Variants in NAALADL2 observed in about 807,000 individuals in gnomAD.
NAALADL2 encodes the protein inactive N-acetylated-alpha-linked acidic dipeptidase-like protein 2.
In NAALADL2, 76 loss-of-function variants were observed where a neutral mutation model predicts 87.2. The ratio of observed to expected loss-of-function variants is 0.87; its 90% CI spans 0.72 to 1.05. The LOEUF (loss-of-function observed/expected upper bound fraction) is 1.05, where lower values mean the gene tolerates loss of function less well. Among genes scored for constraint, NAALADL2 ranks in the 50% least tolerant of loss-of-function variants. The pLI is 0.00. For synonymous variants in NAALADL2, 354 were observed against 331.0 expected, an observed-to-expected ratio of 1.07 and a Z score of -0.75; for missense variants, 1,089 against 945.8, an observed-to-expected ratio of 1.15 and a Z score of -1.99.
chr3:175,641,690 A>G (rs775939972), intron 11 of NAALADL2, among the ~76,000 whole-genome samples: 30 of 152,206 alleles, frequency 2.0e-4, no homozygotes, highest in Non-Finnish European at 4.1e-4. Context: ...TTCTCAGAGT[A>G]TATGCACGTA....
At position 174,455,649 on chromosome 3, in the gene NAALADL2, A is replaced by T. The variant is rs540955237; in HGVS notation, c.-184+14617A>T. Among the ~76,000 whole-genome samples the T allele has an allele frequency of 5.3e-5, 8 of 152,344 alleles. No homozygotes were observed. In the South Asian group the frequency reaches 1.7e-3, roughly 32 times the overall value. On this transcript the variant is annotated intron_variant, in intron 1 of 3. Transcript: ENST00000434257. ...ATGATCATCTCAATAGATTCAGAAA[A>T]GGCTTTTGATAAAATTCAACACCCC...
chr3:175,117,570 C>T (rs549773905), intron 2 of NAALADL2, among the ~76,000 whole-genome samples: 24 of 150,532 alleles, frequency 1.6e-4, no homozygotes, highest in South Asian at 1.0e-3. Context: ...AATGAGGTAC[C>T]ATCTCACACC....
At chr3:175,442,264 G>C (rs1413550825) in intron 5 of NAALADL2, among the ~76,000 whole-genome samples, 1 of 150,352 alleles carries the variant, frequency 6.7e-6, no homozygotes, top group African/African-American at 2.4e-5. Flanking sequence ...TTTTCAATTA[G>C]GTTTAAAAGT....
intron 2 of NAALADL2, among the ~76,000 whole-genome samples, chr3:175,220,407 A>G (rs1743182899): frequency 6.6e-6 from 1 of 151,886 alleles, no homozygotes; most frequent in African/African-American, 2.4e-5. Flanking sequence ...TTGAATATTT[A>G]GATTTTCTTT....
chr3:175,468,150 AAAG>A (rs143098806), intron 8 of NAALADL2, among the ~76,000 whole-genome samples: 8,061 of 152,188 alleles, frequency 0.053, 665 homozygotes, highest in African/African-American at 0.18. Flanking sequence ...AAGGTATAGA[AAAG>A]AAGATAGCAA....
intron 5 of NAALADL2, among the ~76,000 whole-genome samples, chr3:175,439,830 G>T (rs1463616428): frequency 2.6e-5 from 4 of 151,448 alleles, no homozygotes; most frequent in African/African-American, 9.7e-5. Flanking sequence ...CTCCCACTTG[G>T]TGGGTTGTCT....
chr3:175,047,204 AT>A (rs1290952012), intron 1 of NAALADL2, among the ~76,000 whole-genome samples: 1 of 152,176 alleles, frequency 6.6e-6, no homozygotes. Context: ...GGACACAAAC[AT>A]TCTGTCCTTG....
At chr3:174,501,011 C>G (rs1442060620) in intron 1 of NAALADL2, among the ~76,000 whole-genome samples, 1 of 140,430 alleles carries the variant, frequency 7.1e-6, no homozygotes. Flanking sequence ...CGCCCGCCAC[C>G]ATGCCCGGCC....
intron 9 of NAALADL2, among the ~76,000 whole-genome samples, chr3:175,479,477 A>C (rs1726156901): frequency 6.6e-6 from 1 of 151,812 alleles, no homozygotes; most frequent in African/African-American, 2.4e-5. Context: ...TCATCTTGTG[A>C]AAAATGGCCA....
At chr3:175,193,197 C>G (rs909764589) in intron 2 of NAALADL2, among the ~76,000 whole-genome samples, 1 of 151,702 alleles carries the variant, frequency 6.6e-6, no homozygotes, top group East Asian at 1.9e-4. Context: ...GATTCCAGAT[C>G]TACCACTTAC....
At position 175,238,728 on chromosome 3, in the gene NAALADL2, G is replaced by A. The variant is rs151248680; in HGVS notation, c.819+4524G>A. Among the ~76,000 whole-genome samples, 364 of 152,144 alleles carry A rather than the reference G, an allele frequency of 2.4e-3. 1 individual carries two copies. Among genetic ancestry groups the A allele is most frequent in the African/African-American group, 8.3e-3 (344 of 41,542 alleles). Reference sequence around the variant, plus strand: ...AAACTCACATGTTCTAATAGATAAGGCGCTGGTGATTTTTCTGTATCACTT... The same window carrying A: ...AAACTCACATGTTCTAATAGATAAGACGCTGGTGATTTTTCTGTATCACTT... On this transcript the variant is annotated intron_variant, in intron 3 of 13. Coordinates refer to ENST00000454872, the MANE Select transcript of NAALADL2 (RefSeq NM_207015.3).
At chr3:175,287,959 A>G (rs900268076) in intron 4 of NAALADL2, among the ~76,000 whole-genome samples, 1 of 152,162 alleles carries the variant, frequency 6.6e-6, no homozygotes, top group Admixed American at 6.5e-5. Context: ...TTAACTCTCT[A>G]ATTATTTGTT....
At chr3:175,375,090 T>C (rs1242261827) in intron 5 of NAALADL2, among the ~76,000 whole-genome samples, 1 of 152,176 alleles carries the variant, frequency 6.6e-6, no homozygotes, top group East Asian at 1.9e-4. Flanking sequence ...CAATTGCTCA[T>C]ATAAGGTTCA....
intron 2 of NAALADL2, among the ~76,000 whole-genome samples, chr3:175,213,753 A>G (rs1283568910): frequency 6.6e-6 from 1 of 152,154 alleles, no homozygotes; most frequent in African/African-American, 2.4e-5. Context: ...TTTCCAGTGA[A>G]GCAACTGAGT....
chr3:175,636,983 A>G (rs2149745701), intron 11 of NAALADL2, among the ~76,000 whole-genome samples: 1 of 152,358 alleles, frequency 6.6e-6, no homozygotes, highest in South Asian at 2.1e-4. Context: ...GATTTAATTC[A>G]TCACCCAAGA....
chr3:175,505,868 G>C (rs1054933231), intron 9 of NAALADL2, among the ~76,000 whole-genome samples: 1 of 151,650 alleles, frequency 6.6e-6, no homozygotes, highest in Non-Finnish European at 1.5e-5. Context: ...AGCTACCAAA[G>C]ACTTACATCA....
chr3:175,594,820 C>T (rs544893654), intron 10 of NAALADL2, among the ~76,000 whole-genome samples: 131 of 152,114 alleles, frequency 8.6e-4, no homozygotes, highest in African/African-American at 3.0e-3. Flanking sequence ...AGTGTCTGTT[C>T]ATGCCATTTG....
intron 9 of NAALADL2, among the ~76,000 whole-genome samples, chr3:175,475,061 A>G (rs1019324776): frequency 6.6e-6 from 1 of 150,676 alleles, no homozygotes; most frequent in African/African-American, 2.4e-5. Flanking sequence ...AGTATTGTAT[A>G]TATTTGTGTA....
In NAALADL2 at chr3:175,439,158, C is replaced by T. The variant is rs186807696; in HGVS notation, c.1091-8071C>T. ...AGAATAATGATCTCCAATTCCATCC[C>T]GGTTGCTGCAAATGCCATTATTGTG... On this transcript the variant is annotated intron_variant, in intron 5 of 13. Transcript: ENST00000454872. Among the ~76,000 whole-genome samples, 396 of 152,078 alleles carry T rather than the reference C, an allele frequency of 2.6e-3. 1 individual carries two copies. The highest frequency in any genetic ancestry group is 2.4e-3 in the Non-Finnish European group (162 of 67,982).
Sources: gnomAD v4.1 joint callset for allele counts (sites outside exome capture counted in the v4.1 genomes callset) on GRCh38, gnomAD v4.1.1 for gene constraint, MANE v1.5 for transcripts, NCBI Gene and HGNC (gene_info 2026-07-23, HGNC 2026-07-21) for gene names.